The following CCNY variants were observed in gnomAD, a reference collection of about 807,000 sequenced individuals.
CCNY encodes the protein cyclin Y, also known as cyclin-Y.
In CCNY, 19 loss-of-function variants were observed where a neutral mutation model predicts 42.8. The ratio of observed to expected loss-of-function variants is 0.44; its 90% CI spans 0.31 to 0.65. CCNY has a LOEUF of 0.65. Among genes scored for constraint, CCNY ranks in the 30% least tolerant of loss-of-function variants. CCNY has a pLI of 0.07. For missense variants in CCNY, 370 were observed against 437.3 expected (o/e 0.85, Z 1.37); for synonymous variants, 165 against 162.7 (o/e 1.01, Z -0.11).
chr10:35,266,145 T>G (rs754515976), intron 3 of CCNY, among the ~76,000 whole-genome samples: 2 of 151,776 alleles, frequency 1.3e-5, no homozygotes, highest in East Asian at 1.9e-4. Context: ...TGGTACAATC[T>G]CGGCTCACTA....
Position 35,569,260 on chromosome 10 carries a change from TTC to T in CCNY, c.*92_*93del. 1.2e-6 allele frequency: 1 copy of T among 807,142 alleles called. No homozygotes were observed. Among genetic ancestry groups the T allele is most frequent in the Non-Finnish European group, 2.1e-6 (1 of 477,584 alleles). 50.0% of individuals were successfully genotyped at this position (807,142 alleles called of 1,614,324 possible). A position where few individuals can be genotyped will look rare whatever the true frequency, so the allele number is the denominator to read the frequency against. ...CTTGGGGTGGGTTTGTTTTTGTTTT[TTC>T]TTTCCTTTTCTTTTTTTACGCATAG... On this transcript the variant is annotated 3_prime_UTR_variant, in exon 10 of 10. Transcript: ENST00000374704.
chr10:35,401,592 TAGC>T (rs1293259897), intron 1 of CCNY, among the ~76,000 whole-genome samples: 1 of 151,936 alleles, frequency 6.6e-6, no homozygotes, highest in Non-Finnish European at 1.5e-5. Context: ...TGCTCAAAAT[TAGC>T]AGTAGTAATT....
chr10:35,452,727 G>C (rs973295697), intron 1 of CCNY, among the ~76,000 whole-genome samples: 1 of 141,868 alleles, frequency 7.0e-6, no homozygotes, highest in South Asian at 2.3e-4. Flanking sequence ...CATTTTGGAT[G>C]TAAAATTTAC....
At chr10:35,443,056 A>G (rs1269003698) in intron 1 of CCNY, among the ~76,000 whole-genome samples, 2 of 152,222 alleles carry the variant, frequency 1.3e-5, no homozygotes. Context: ...TACAGTAACA[A>G]TACGGTATAG....
chr10:35,402,193 T>C (rs1218983028), intron 1 of CCNY, among the ~76,000 whole-genome samples: 1 of 151,978 alleles, frequency 6.6e-6, no homozygotes, highest in Non-Finnish European at 1.5e-5. Context: ...AAGAAAGATT[T>C]TGGGGTAAGG....
chr10:35,371,546 A>G (rs987402571), intron 1 of CCNY, among the ~76,000 whole-genome samples: 2 of 152,052 alleles, frequency 1.3e-5, no homozygotes, highest in African/African-American at 4.8e-5. Flanking sequence ...GCCTTTCTTA[A>G]TGTCTCATAC....
At chr10:35,311,801 G>A (rs1835687681) in intron 3 of CCNY, among the ~76,000 whole-genome samples, 1 of 151,296 alleles carries the variant, frequency 6.6e-6, no homozygotes, top group African/African-American at 2.4e-5. Flanking sequence ...GCCTGGGCAA[G>A]GTAGGGACAC....
At chr10:35,547,419 A>AT (rs1186670393) in intron 7 of CCNY, among the ~76,000 whole-genome samples, 1 of 152,026 alleles carries the variant, frequency 6.6e-6, no homozygotes, top group Non-Finnish European at 1.5e-5. Flanking sequence ...TGCAGTTACA[A>AT]TGCCGTGCTT....
intron 1 of CCNY, among the ~76,000 whole-genome samples, chr10:35,379,176 G>T (rs1036510599): frequency 6.6e-6 from 1 of 152,202 alleles, no homozygotes; most frequent in Admixed American, 6.5e-5. Flanking sequence ...TAAAGCTTTT[G>T]GGGGAGAGCA....
At chr10:35,444,104 C>T (rs1838735759) in intron 1 of CCNY, among the ~76,000 whole-genome samples, 1 of 150,328 alleles carries the variant, frequency 6.7e-6, no homozygotes, top group African/African-American at 2.4e-5. Flanking sequence ...ATTTCTGCGA[C>T]ATTGAATACC....
intron 3 of CCNY, among the ~76,000 whole-genome samples, chr10:35,324,253 A>G (rs749447787): frequency 2.6e-5 from 4 of 152,148 alleles, no homozygotes; most frequent in Non-Finnish European, 4.4e-5. Flanking sequence ...ATTTAGCCCT[A>G]TTACTGCCCA....
At chr10:35,424,767 G>C (rs1004490443) in intron 1 of CCNY, among the ~76,000 whole-genome samples, 2 of 152,164 alleles carry the variant, frequency 1.3e-5, no homozygotes, top group African/African-American at 4.8e-5. Flanking sequence ...CTGGCCAGGC[G>C]CATAAAGATA....
chr10:35,387,529 G>A (rs559235743), intron 1 of CCNY, among the ~76,000 whole-genome samples: 2 of 152,284 alleles, frequency 1.3e-5, no homozygotes, highest in South Asian at 4.1e-4. Context: ...AGATAAACAA[G>A]GGAGGATGCC....
intron 7 of CCNY, among the ~76,000 whole-genome samples, chr10:35,544,775 G>T (rs1041529752): frequency 6.6e-6 from 1 of 152,198 alleles, no homozygotes; most frequent in Admixed American, 6.5e-5. Context: ...GAGCCCTCCT[G>T]AAATGGACAC....
At chr10:35,560,588 C>T (rs552723568) in intron 8 of CCNY, among the ~76,000 whole-genome samples, 5 of 152,212 alleles carry the variant, frequency 3.3e-5, no homozygotes, top group African/African-American at 7.2e-5. Flanking sequence ...AAAAAATTCC[C>T]GTTGTTTAAG....
At chr10:35,341,869 T>G (rs1435494905) in intron 1 of CCNY, among the ~76,000 whole-genome samples, 1 of 152,180 alleles carries the variant, frequency 6.6e-6, no homozygotes, top group Non-Finnish European at 1.5e-5. Flanking sequence ...TGTTTAATAA[T>G]GTGGTATGTT....
chr10:35,479,725 A>T (rs895079547), intron 1 of CCNY, among the ~76,000 whole-genome samples: 4 of 151,612 alleles, frequency 2.6e-5, no homozygotes, highest in Admixed American at 6.6e-5. Flanking sequence ...AACCTGCACA[A>T]TGTGCACATG....
chr10:35,374,756 C>G (rs1837012531), intron 1 of CCNY, among the ~76,000 whole-genome samples: 1 of 152,064 alleles, frequency 6.6e-6, no homozygotes, highest in Non-Finnish European at 1.5e-5. Context: ...ATACGTGTCT[C>G]TGAAAAGTAG....
intron 1 of CCNY, chr10:35,247,252 G>A (rs1451139337): frequency 6.5e-6 from 1 of 152,908 alleles, no homozygotes; most frequent in Non-Finnish European, 1.5e-5. Flanking sequence ...CTGCAGCCAG[G>A]AGACTTGAGA....
Sources: allele counts gnomAD v4.1 joint callset (sites outside exome capture counted in the v4.1 genomes callset), GRCh38; gene constraint gnomAD v4.1.1; transcripts MANE v1.5; gene names NCBI Gene and HGNC (gene_info 2026-07-23, HGNC 2026-07-21).